Variants in PITPNC1 observed in about 807,000 individuals in gnomAD.
The protein encoded by PITPNC1 is cytoplasmic phosphatidylinositol transfer protein 1.
A neutral mutation model predicts 44.7 loss-of-function variants in PITPNC1; 18 were observed. That is an observed-to-expected ratio of 0.40 (90% CI 0.28 to 0.60). The LOEUF (loss-of-function observed/expected upper bound fraction) is 0.60, where lower values mean the gene tolerates loss of function less well. Ranked by LOEUF, PITPNC1 falls within the 20% of genes least tolerant of loss-of-function variation. The pLI is 0.39. For missense variants in PITPNC1, 290 were observed against 418.4 expected, an observed-to-expected ratio of 0.69 and a Z score of 2.68; for synonymous variants, 141 against 149.6, an observed-to-expected ratio of 0.94 and a Z score of 0.42.
At chr17:67,692,477 T>C (rs1414556334) in intron 8 of PITPNC1, 95 bp from the exon 9 acceptor site, 2 of 847,172 alleles carry the variant, frequency 2.4e-6, no homozygotes, top group East Asian at 4.9e-5. Context: ...TATGATAGGG[T>C]TCCCATAGTT....
At chr17:67,424,402 A>C (rs1598643388) in intron 1 of PITPNC1, among the ~76,000 whole-genome samples, 2 of 152,212 alleles carry the variant, frequency 1.3e-5, no homozygotes, top group Admixed American at 1.3e-4. Context: ...CACTCCTGTA[A>C]TCCCAGCACT....
intron 4 of PITPNC1, among the ~76,000 whole-genome samples, chr17:67,560,438 A>G (rs554720817): frequency 1.3e-5 from 2 of 152,362 alleles, no homozygotes; most frequent in South Asian, 4.1e-4. Context: ...GTGACACAGA[A>G]CCCGTAAGTT....
In PITPNC1 at chr17:67,693,839, AAG is replaced by A. The variant is rs1278409343; in HGVS notation, c.*955_*956del. The A allele has an allele frequency of 6.6e-6, 1 of 152,246 alleles. No individual in the cohort carries two copies. Among genetic ancestry groups the A allele is most frequent in the Non-Finnish European group, 1.5e-5 (1 of 68,036 alleles). The allele number at this position is 152,246 out of a possible 1,614,324, so 9.4% of individuals were successfully genotyped here. A position where few individuals can be genotyped will look rare whatever the true frequency, so the allele number is the denominator to read the frequency against. ...AATGTCTGGTGCATGAACTATAAAA[AAG>A]AGAACTGTCTCCCATCCCCTTCCTT... On this transcript the variant is annotated 3_prime_UTR_variant, in exon 9 of 9. Transcript: ENST00000581322.
At chr17:67,651,524 C>CA (rs1039693088) in intron 6 of PITPNC1, among the ~76,000 whole-genome samples, 3 of 151,586 alleles carry the variant, frequency 2.0e-5, no homozygotes, top group South Asian at 2.1e-4. Context: ...AAAAAAAACC[C>CA]AAAAAAACAG....
chr17:67,678,011 G>A (rs1474453078), intron 8 of PITPNC1, among the ~76,000 whole-genome samples: 2 of 152,018 alleles, frequency 1.3e-5, no homozygotes, highest in East Asian at 3.9e-4. Flanking sequence ...CCAGGAATTC[G>A]AGACCAGCAT....
At chr17:67,431,203 C>T (rs1332108637) in intron 1 of PITPNC1, among the ~76,000 whole-genome samples, 1 of 151,636 alleles carries the variant, frequency 6.6e-6, no homozygotes, top group Non-Finnish European at 1.5e-5. Flanking sequence ...GGACTATAGG[C>T]GCCCACCACC....
chr17:67,629,943 G>GTT (rs1395823647), intron 5 of PITPNC1, among the ~76,000 whole-genome samples: 1 of 152,218 alleles, frequency 6.6e-6, no homozygotes, highest in African/African-American at 2.4e-5. Context: ...GAAGAGTCCA[G>GTT]TCTCCAAATA....
intron 1 of PITPNC1, among the ~76,000 whole-genome samples, chr17:67,489,848 A>G (rs562883986): frequency 3.9e-5 from 6 of 152,124 alleles, no homozygotes; most frequent in South Asian, 4.2e-4. Flanking sequence ...GGTTCTAGCA[A>G]TCCTCCCACC....
chr17:67,471,639 T>G (rs1323796470), intron 1 of PITPNC1: 1 of 345,030 alleles, frequency 2.9e-6, no homozygotes, highest in Non-Finnish European at 5.6e-6. Flanking sequence ...TAAATCAGGT[T>G]GACATCATAT....
At chr17:67,392,711 G>A (rs2038156151) in intron 1 of PITPNC1, among the ~76,000 whole-genome samples, 1 of 152,144 alleles carries the variant, frequency 6.6e-6, no homozygotes, top group Non-Finnish European at 1.5e-5. Context: ...CTTTGTATCA[G>A]CACTATTGAA....
At chr17:67,490,602 C>T (rs1470430007) in intron 1 of PITPNC1, among the ~76,000 whole-genome samples, 1 of 151,966 alleles carries the variant, frequency 6.6e-6, no homozygotes, top group Non-Finnish European at 1.5e-5. Context: ...CAGGGGACTG[C>T]TGGGAGTTTC....
At chr17:67,399,870 C>G (rs1198439587) in intron 1 of PITPNC1, among the ~76,000 whole-genome samples, 1 of 152,174 alleles carries the variant, frequency 6.6e-6, no homozygotes. Context: ...AGTGTGGACA[C>G]GGAAGACCTA....
At chr17:67,423,399 C>T (rs969207289) in intron 1 of PITPNC1, among the ~76,000 whole-genome samples, 1 of 152,152 alleles carries the variant, frequency 6.6e-6, no homozygotes. Context: ...GCCTGGAGCA[C>T]CCCGGTGACC....
At chr17:67,679,101 A>G (rs918606847) in intron 8 of PITPNC1, among the ~76,000 whole-genome samples, 1 of 152,224 alleles carries the variant, frequency 6.6e-6, no homozygotes, top group African/African-American at 2.4e-5. Context: ...TTTAAGAACT[A>G]CTGGCTTATA....
chr17:67,474,426 G>C (rs1289105099), intron 1 of PITPNC1, among the ~76,000 whole-genome samples: 1 of 152,112 alleles, frequency 6.6e-6, no homozygotes, highest in Non-Finnish European at 1.5e-5. Context: ...GCCGACATTT[G>C]GAGCAGATAA....
chr17:67,406,356 C>T (rs1240562063), intron 1 of PITPNC1, among the ~76,000 whole-genome samples: 1 of 152,060 alleles, frequency 6.6e-6, no homozygotes, highest in Non-Finnish European at 1.5e-5. Context: ...TATCCATTGG[C>T]GGTCACTCCC....
intron 1 of PITPNC1, among the ~76,000 whole-genome samples, chr17:67,468,981 G>A (rs1033005987): frequency 3.3e-5 from 5 of 151,960 alleles, no homozygotes; most frequent in African/African-American, 4.8e-5. Context: ...CGCCTGCCTC[G>A]GCCTCCCAAA....
intron 1 of PITPNC1, among the ~76,000 whole-genome samples, chr17:67,391,060 CGTGTGTGTGT>C (rs80236076): frequency 2.7e-5 from 4 of 146,898 alleles, no homozygotes; most frequent in South Asian, 2.2e-4. Flanking sequence ...ACTTTTTTAG[CGTGTGTGTGT>C]GTGTGTGTGT....
At chr17:67,523,624 C>T (rs2040356086) in intron 1 of PITPNC1, among the ~76,000 whole-genome samples, 1 of 151,726 alleles carries the variant, frequency 6.6e-6, no homozygotes, top group African/African-American at 2.4e-5. Context: ...ATGGTAGAAT[C>T]AGGACGCTGG....
Sources: allele counts gnomAD v4.1 joint callset (sites outside exome capture counted in the v4.1 genomes callset), GRCh38; gene constraint gnomAD v4.1.1; transcripts MANE v1.5; gene names NCBI Gene and HGNC (gene_info 2026-07-23, HGNC 2026-07-21).